Variants in ZNF44 observed in about 807,000 individuals in gnomAD.
ZNF44 encodes zinc finger protein 44.
ZNF44 carries 9 observed loss-of-function variants against 11.7 expected under a neutral mutation model. The ratio of observed to expected loss-of-function variants is 0.77; its 90% CI spans 0.46 to 1.35. The LOEUF (loss-of-function observed/expected upper bound fraction) is 1.35, where lower values mean the gene tolerates loss of function less well. ZNF44 is among the 40% of genes most tolerant of loss of function. ZNF44 has a pLI of 0.00. For synonymous variants in ZNF44, 224 were observed against 242.7 expected (o/e 0.92, Z 0.72); for missense variants, 696 against 743.1 (o/e 0.94, Z 0.74).
chr19:12,290,515 C>T (rs1357801673), intron 1 of ZNF44, among the ~76,000 whole-genome samples: 2 of 150,842 alleles, frequency 1.3e-5, no homozygotes, highest in African/African-American at 2.4e-5. Context: ...GCCTGACCAA[C>T]ATGGTGAAAC....
intron 1 of ZNF44, among the ~76,000 whole-genome samples, chr19:12,287,504 G>A (rs1036900262): frequency 2.6e-5 from 4 of 152,148 alleles, no homozygotes; most frequent in African/African-American, 4.8e-5. Context: ...GTGAGACACC[G>A]TGCCTGTCCC....
chr19:12,278,574 TAAAC>T (rs1487238227), intron 1 of ZNF44, among the ~76,000 whole-genome samples: 2 of 151,606 alleles, frequency 1.3e-5, no homozygotes, highest in Non-Finnish European at 1.5e-5. Context: ...CTACAAAAAA[TAAAC>T]AAAATTAGGT....
At chr19:12,250,536 T>A (rs538365647) in intron 5 of ZNF44, among the ~76,000 whole-genome samples, 12 of 152,352 alleles carry the variant, frequency 7.9e-5, no homozygotes, top group Admixed American at 7.2e-4. Context: ...CAGTAGTTTA[T>A]GAACACACGA....
downstream of ZNF44, chr19:12,242,775 G>C (rs1284367590): frequency 6.6e-6 from 1 of 151,756 alleles, no homozygotes; most frequent in South Asian, 2.1e-4. Context: ...TCATTTGCTT[G>C]GGAGGCAGCA....
chr19:12,248,150 A>G (rs776073002), exon 8 of ZNF44: 111 of 1,304,368 alleles, frequency 8.5e-5, no homozygotes, highest in Non-Finnish European at 6.1e-5. Context: ...CATGTGCTCG[A>G]GCAGAATGGC....
At chr19:12,294,603 G>A (rs1968168006) in intron 1 of ZNF44, 89 bp downstream of exon 1, 3 of 1,510,580 alleles carry the variant, frequency 2.0e-6, no homozygotes, top group Middle Eastern at 1.8e-4. Flanking sequence ...AAGACGCTGC[G>A]GCGAGGCCCG....
In ZNF44 at chr19:12,273,982, A is replaced by G. The variant is rs1967101861; in HGVS notation, c.273T>C (p.Ile91=). 2 of 1,614,034 alleles carry G rather than the reference A, an allele frequency of 1.2e-6. No homozygotes were observed. The highest frequency in any genetic ancestry group is 8.5e-7 in the Non-Finnish European group (1 of 1,180,030). The change falls in exon 4 of 4, where the codon ATT becomes ATC. Residue 91 remains isoleucine (I), a synonymous_variant. Transcript: ENST00000355684. ...GETLSQIRNS[I]VNKNTPARVD... is the part of the protein sequence containing the mutation. The stretch of plus-strand genomic sequence containing the variant: ...CTCTGGCGGGAGTGTTCTTGTTTAC[A>G]ATACTATTTCGAATCTGGCTTAAGG...
chr19:12,260,099 G>T (rs899276540), intron 5 of ZNF44: 6 of 631,950 alleles, frequency 9.5e-6, no homozygotes, highest in Non-Finnish European at 1.2e-5. Flanking sequence ...CAGGTCTCAG[G>T]CCGCCACTGC....
chr19:12,252,950 CAA>C (rs1259579322), intron 5 of ZNF44, among the ~76,000 whole-genome samples: 5 of 131,902 alleles, frequency 3.8e-5, no homozygotes, highest in African/African-American at 1.5e-4. Context: ...TGCACTGGCA[CAA>C]TCTTGGCTCA....
chr19:12,227,795 T>C (rs769111622), intron 3 of ZNF44, among the ~76,000 whole-genome samples: 23 of 152,202 alleles, frequency 1.5e-4, no homozygotes, highest in Non-Finnish European at 4.4e-5. Context: ...TATACAAATA[T>C]AGCCCAAAGA....
Position 12,273,873 on chromosome 19 carries a change from G to A in ZNF44, c.382C>T (p.His128Tyr). Residue 128 changes from histidine (H) to tyrosine (Y), a missense_variant, in exon 4 of 4, where the codon CAC (histidine) becomes TAC (tyrosine). His to Tyr is a moderately conservative substitution (Grantham distance 83). Transcript: ENST00000355684. ...LNCYIRVDTG[H>Y]KHRECHEYAE... ...TATTCATGACACTCCCGGTGTTTGT[G>A]TCCAGTATCAACTCTGATGTAGCAA... 8.1e-6 allele frequency: 13 copies of A among 1,614,138 alleles called. No homozygotes were observed. Among genetic ancestry groups the A allele is most frequent in the Non-Finnish European group, 1.1e-5 (13 of 1,180,030 alleles).
intron 2 of ZNF44, among the ~76,000 whole-genome samples, chr19:12,233,291 C>G (rs1260739536): frequency 6.6e-6 from 1 of 152,048 alleles, no homozygotes; most frequent in Non-Finnish European, 1.5e-5. Context: ...TACTCTTAGT[C>G]TGTAAGAAAA....
chr19:12,277,557 AAAAC>A (rs1374714524), intron 1 of ZNF44, among the ~76,000 whole-genome samples: 7 of 152,246 alleles, frequency 4.6e-5, no homozygotes, highest in Non-Finnish European at 7.3e-5. Flanking sequence ...CAGCTTTACA[AAAAC>A]AAACAGAAGA....
intron 5 of ZNF44, among the ~76,000 whole-genome samples, chr19:12,256,037 C>CA (rs74180061): frequency 0.03 from 1,188 of 39,632 alleles, 166 homozygotes; most frequent in Non-Finnish European, 0.038. Context: ...AACTCTGTCT[C>CA]AAAAAAAAAA....
intron 1 of ZNF44, among the ~76,000 whole-genome samples, chr19:12,292,855 G>GTTTTTTTTTTTTTTTTTTTTTTTT (rs71166664): frequency 2.6e-5 from 2 of 76,932 alleles, no homozygotes; most frequent in African/African-American, 9.7e-5. Flanking sequence ...CAGAGGTTAG[G>GTTTTTTTTTTTTTTTTTTTTTTTT]TTTTTTTTTT....
chr19:12,233,873 C>T (rs887006581), intron 2 of ZNF44, among the ~76,000 whole-genome samples: 1 of 152,000 alleles, frequency 6.6e-6, no homozygotes, highest in African/African-American at 2.4e-5. Flanking sequence ...ACCAGCCTGA[C>T]CAACATGATA....
upstream of ZNF44, among the ~76,000 whole-genome samples, chr19:12,238,727 C>T (rs1251341864): frequency 1.3e-5 from 2 of 151,878 alleles, no homozygotes; most frequent in African/African-American, 4.8e-5. Flanking sequence ...ACTCGGGAGG[C>T]GGAGGTTGCA....
chr19:12,231,641 C>T (rs1916168616), intron 2 of ZNF44, among the ~76,000 whole-genome samples: 1 of 152,206 alleles, frequency 6.6e-6, no homozygotes, highest in African/African-American at 2.4e-5. Flanking sequence ...AATGAAGATA[C>T]TGCCTGCACT....
At chr19:12,248,068 A>G in exon 8 of ZNF44, 1 of 1,327,272 alleles carries the variant, frequency 7.5e-7, no homozygotes, top group Non-Finnish European at 1.0e-6. Flanking sequence ...TGTGCTTGAA[A>G]ACCTACAGAA....
Sources: allele counts gnomAD v4.1 joint callset (sites outside exome capture counted in the v4.1 genomes callset), GRCh38; gene constraint gnomAD v4.1.1; transcripts MANE v1.5; gene names NCBI Gene and HGNC (gene_info 2026-07-23, HGNC 2026-07-21).